The following RB1 variants were observed in gnomAD, a reference collection of about 807,000 sequenced individuals.
RB1 encodes RB transcriptional corepressor 1.
RB1 carries 18 observed loss-of-function variants against 135.4 expected under a neutral mutation model. That is an observed-to-expected ratio of 0.13 (90% confidence interval 0.09 to 0.20). The LOEUF (loss-of-function observed/expected upper bound fraction) is 0.20. RB1 is among the 10% of genes least tolerant of loss of function. The pLI is 1.00. For synonymous variants in RB1, 365 were observed against 373.2 expected (o/e 0.98, Z 0.25); for missense variants, 868 against 1,110.0 (o/e 0.78, Z 3.10).
chr13:48,342,691 G>A lies in RB1; in HGVS notation c.357G>A (p.Glu119=), dbSNP rs1593434283. The A allele has an allele frequency of 6.2e-7, 1 of 1,607,148 alleles. No homozygotes were observed. The highest frequency in any genetic ancestry group is 1.3e-5 in the African/African-American group (1 of 74,868). The change falls in exon 3 of 27, where the codon GAG becomes GAA. Residue 119 remains glutamate, a synonymous_variant. Coordinates refer to ENST00000267163, the MANE Select transcript of RB1 (RefSeq NM_000321.3). Reference sequence around the variant, plus strand: ...ATGAGATGTCGTTCACTTTTACTGAGCTACAGAAAAACATAGAAATCAGGT... The same window carrying A: ...ATGAGATGTCGTTCACTTTTACTGAACTACAGAAAAACATAGAAATCAGGT... ...DLDEMSFTFT[E]LQKNIEISVH... is the part of the protein sequence containing the mutation.
At chr13:48,399,725 C>T (rs947221986) in intron 17 of RB1, among the ~76,000 whole-genome samples, 5 of 151,906 alleles carry the variant, frequency 3.3e-5, no homozygotes, top group Non-Finnish European at 5.9e-5. Context: ...CTGAGTTCTT[C>T]ATCCAGATCT....
At chr13:48,443,596 G>C (rs1302622043) in intron 17 of RB1, among the ~76,000 whole-genome samples, 1 of 152,144 alleles carries the variant, frequency 6.6e-6, no homozygotes, top group Non-Finnish European at 1.5e-5. Flanking sequence ...TCATTCTTGT[G>C]TAAGGAAACC....
At chr13:48,413,532 A>C (rs1948855046) in intron 17 of RB1, among the ~76,000 whole-genome samples, 1 of 152,210 alleles carries the variant, frequency 6.6e-6, no homozygotes, top group South Asian at 2.1e-4. Flanking sequence ...AGAACTGTTT[A>C]ATGACTATGA....
At chr13:48,334,458 C>T (rs1168548019) in intron 2 of RB1, among the ~76,000 whole-genome samples, 1 of 152,072 alleles carries the variant, frequency 6.6e-6, no homozygotes, top group Admixed American at 6.6e-5. Flanking sequence ...TCTGTAATAC[C>T]TTCATATTTC....
intron 3 of RB1, 138 bp from the exon 4 acceptor site, chr13:48,344,942 T>G: frequency 9.2e-7 from 1 of 1,084,536 alleles, no homozygotes. Context: ...TTGCAAAAAG[T>G]AATTCCTTCC....
At chr13:48,455,613 G>A (rs1432135794) in intron 18 of RB1, among the ~76,000 whole-genome samples, 1 of 152,194 alleles carries the variant, frequency 6.6e-6, no homozygotes, top group Non-Finnish European at 1.5e-5. Context: ...AAATCAGAAA[G>A]TAGATCTAGA....
intron 17 of RB1, among the ~76,000 whole-genome samples, chr13:48,430,911 A>G (rs1949123609): frequency 6.6e-6 from 1 of 152,152 alleles, no homozygotes; most frequent in African/African-American, 2.4e-5. Flanking sequence ...TGACAGCCCA[A>G]CTCTAACAAT....
chr13:48,422,328 G>A (rs1949018550), intron 17 of RB1, among the ~76,000 whole-genome samples: 1 of 152,130 alleles, frequency 6.6e-6, no homozygotes, highest in Non-Finnish European at 1.5e-5. Flanking sequence ...GAGAACACAT[G>A]GACACAGGGA....
chr13:48,430,035 A>G (rs1292318109), intron 17 of RB1, among the ~76,000 whole-genome samples: 1 of 152,214 alleles, frequency 6.6e-6, no homozygotes, highest in Non-Finnish European at 1.5e-5. Flanking sequence ...GTTCACCTGT[A>G]GATACTGTGG....
chr13:48,451,870 A>C (rs1223877092), intron 17 of RB1, among the ~76,000 whole-genome samples: 2 of 151,150 alleles, frequency 1.3e-5, no homozygotes, highest in Non-Finnish European at 3.0e-5. Context: ...GAATGTATTC[A>C]TTTCTTCTAG....
chr13:48,381,534 A>G, intron 17 of RB1, 91 bp downstream of exon 17: 1 of 1,168,300 alleles, frequency 8.6e-7, no homozygotes. Context: ...ATCTACCTCA[A>G]GAACATATAG....
intron 17 of RB1, among the ~76,000 whole-genome samples, chr13:48,385,793 C>T (rs1045067200): frequency 2.6e-5 from 4 of 152,140 alleles, no homozygotes; most frequent in Non-Finnish European, 5.9e-5. Context: ...AAACCATTCT[C>T]ATTTTAGAAA....
chr13:48,474,348 C>A (rs1341918141), intron 24 of RB1, among the ~76,000 whole-genome samples: 2 of 152,132 alleles, frequency 1.3e-5, no homozygotes, highest in African/African-American at 4.8e-5. Context: ...CCAAGTATCA[C>A]CTCATTAGAA....
intron 19 of RB1, among the ~76,000 whole-genome samples, chr13:48,457,526 G>C (rs943684432): frequency 2.6e-5 from 4 of 152,134 alleles, no homozygotes; most frequent in East Asian, 3.9e-4. Context: ...GACTGGCAGC[G>C]CCCACCCCCA....
chr13:48,304,690 A>T (rs1376279051), intron 1 of RB1, among the ~76,000 whole-genome samples: 1 of 152,008 alleles, frequency 6.6e-6, no homozygotes, highest in Non-Finnish European at 1.5e-5. Flanking sequence ...ATGGAGCGTA[A>T]CTCTTTAGAG....
chr13:48,311,079 G>A (rs966913885), intron 2 of RB1, among the ~76,000 whole-genome samples: 1 of 152,152 alleles, frequency 6.6e-6, no homozygotes, highest in African/African-American at 2.4e-5. Context: ...CCTCAAGGCA[G>A]GAAACTTTGG....
chr13:48,318,106 C>A lies in RB1; in HGVS notation c.264+10700C>A, dbSNP rs544133677. The A allele has an allele frequency of 5.2e-4, 276 of 527,000 alleles. 1 individual carries two copies. Among genetic ancestry groups the A allele is most frequent in the African/African-American group, 5.0e-3 (259 of 51,762 alleles). The allele number at this position is 527,000 out of a possible 1,614,324, so 32.6% of individuals were successfully genotyped here. On this transcript the variant is annotated intron_variant, in intron 2 of 26. Transcript: ENST00000267163. ...GCGGAGGCAGAGGCGCATCCCCTCA[C>A]TCGGAAGGCCGGGGCCGTGTCCTGG...
intron 2 of RB1, among the ~76,000 whole-genome samples, chr13:48,322,264 A>G (rs977623033): frequency 6.6e-6 from 1 of 152,164 alleles, no homozygotes; most frequent in Non-Finnish European, 1.5e-5. Context: ...ATAATATTCC[A>G]TTGTTTATAT....
chr13:48,474,776 C>T (rs1949493873), intron 24 of RB1, among the ~76,000 whole-genome samples: 1 of 152,158 alleles, frequency 6.6e-6, no homozygotes, highest in African/African-American at 2.4e-5. Flanking sequence ...TTATTCTAGG[C>T]TGCAAATCCA....
Sources: gnomAD v4.1 joint callset for allele counts (sites outside exome capture counted in the v4.1 genomes callset) on GRCh38, gnomAD v4.1.1 for gene constraint, MANE v1.5 for transcripts, NCBI Gene and HGNC (gene_info 2026-07-23, HGNC 2026-07-21) for gene names.